BZW2: variants seen among roughly 807,000 people sequenced by gnomAD.
BZW2 encodes the protein basic leucine zipper and W2 domains 2.
A neutral mutation model predicts 53.2 loss-of-function variants in BZW2; 23 were observed. The ratio of observed to expected loss-of-function variants is 0.43; its 90% CI spans 0.31 to 0.61. The LOEUF (loss-of-function observed/expected upper bound fraction) is 0.61, where lower values mean the gene tolerates loss of function less well. Among genes scored for constraint, BZW2 ranks in the 20% least tolerant of loss-of-function variants. The pLI is 0.09. For synonymous variants in BZW2, 227 were observed against 186.4 expected (o/e 1.22, Z -1.77); for missense variants, 409 against 503.1 (o/e 0.81, Z 1.79).
intron 1 of BZW2, among the ~76,000 whole-genome samples, chr7:16,657,258 A>C (rs1202674980): frequency 6.6e-6 from 1 of 152,190 alleles, no homozygotes; most frequent in Non-Finnish European, 1.5e-5. Flanking sequence ...AGGTGCCTTG[A>C]ACCCACTACT....
chr7:16,704,533 A>T lies in BZW2; in HGVS notation c.1109-14A>T. Reference sequence around the variant, plus strand: ...TTGTATAGTAACTTTGAAATCTTTGATTTAAAATTGCAGCTGATGTTCTGA... The same window carrying T: ...TTGTATAGTAACTTTGAAATCTTTGTTTTAAAATTGCAGCTGATGTTCTGA... On this transcript the variant is annotated splice_polypyrimidine_tract_variant and intron_variant, in intron 10 of 11. Transcript: ENST00000258761. 6.6e-7 allele frequency: 1 copy of T among 1,511,088 alleles called. No homozygotes were observed. Among genetic ancestry groups the T allele is most frequent in the East Asian group, 2.3e-5 (1 of 43,638 alleles). 93.6% of individuals were successfully genotyped at this position (1,511,088 alleles called of 1,614,324 possible).
intron 8 of BZW2, chr7:16,695,864 C>G (rs1213303364): frequency 1.3e-5 from 2 of 152,154 alleles, no homozygotes; most frequent in Admixed American, 1.3e-4. Context: ...TCTTAAGTCT[C>G]ATGGTATTAA....
intron 6 of BZW2, 138 bp from the exon 7 acceptor site, chr7:16,689,659 G>C (rs1386631354): frequency 1.9e-6 from 1 of 536,484 alleles, no homozygotes; most frequent in Non-Finnish European, 3.2e-6. Context: ...AATTTGCCTA[G>C]AGGTCTATTG....
rs914976449 is a variant in BZW2, at chr7:16,697,097, G to A, written c.969+36G>A. 4 of 1,597,698 alleles carry A rather than the reference G, an allele frequency of 2.5e-6. No homozygotes were observed. The Admixed American group carries it at 5.3e-5, about 21-fold the overall frequency. ...TTAGCAAGGAACTGACCCAGCCAAGGGCAAACTGCAGCTTTTTTTGTTTGT... is the reference window on the plus strand; with the variant it reads ...TTAGCAAGGAACTGACCCAGCCAAGAGCAAACTGCAGCTTTTTTTGTTTGT... On this transcript the variant is annotated intron_variant, in intron 9 of 11. Transcript: ENST00000258761.
chr7:16,657,701 G>C (rs1782155406), intron 1 of BZW2, among the ~76,000 whole-genome samples: 1 of 151,656 alleles, frequency 6.6e-6, no homozygotes, highest in Non-Finnish European at 1.5e-5. Context: ...TCTAAAATTT[G>C]ACACCAGTAT....
intron 1 of BZW2, among the ~76,000 whole-genome samples, chr7:16,665,220 CACTTGA>C (rs1174486141): frequency 6.6e-6 from 1 of 151,830 alleles, no homozygotes; most frequent in Non-Finnish European, 1.5e-5. Flanking sequence ...GCAGGATAAT[CACTTGA>C]ACCCGGGATG....
chr7:16,654,022 A>G (rs1286631611), intron 1 of BZW2, among the ~76,000 whole-genome samples: 1 of 137,322 alleles, frequency 7.3e-6, no homozygotes, highest in Admixed American at 8.5e-5. Flanking sequence ...CAAGGTGGGC[A>G]GATCACTTGA....
chr7:16,677,935 G>C (rs1057087634), intron 3 of BZW2, among the ~76,000 whole-genome samples: 3 of 152,008 alleles, frequency 2.0e-5, no homozygotes, highest in Admixed American at 6.6e-5. Flanking sequence ...CAAACGTTTT[G>C]GTATAAGCTA....
At chr7:16,698,282 G>A (rs1783565052) in intron 10 of BZW2, 96 bp downstream of exon 10, 1 of 1,470,044 alleles carries the variant, frequency 6.8e-7, no homozygotes, top group East Asian at 2.3e-5. Flanking sequence ...ATGGGGCTCT[G>A]TTTAGAGAGG....
chr7:16,673,598 A>G (rs1211515698), intron 2 of BZW2, among the ~76,000 whole-genome samples: 1 of 152,092 alleles, frequency 6.6e-6, no homozygotes, highest in Non-Finnish European at 1.5e-5. Flanking sequence ...CATAGATTGA[A>G]CCTCCATAAA....
chr7:16,685,437 CT>C (rs915061142), intron 5 of BZW2, among the ~76,000 whole-genome samples: 1 of 149,314 alleles, frequency 6.7e-6, no homozygotes, highest in African/African-American at 2.5e-5. Flanking sequence ...TTGTGTGGGG[CT>C]TTTTTTTGTT....
chr7:16,696,834 T>G lies in BZW2; in HGVS notation c.823-81T>G, dbSNP rs578232045. ...ATTGTTTCTTAGCTGCCCCAAAACC[T>G]TGATTGACTGGGCAGCTAGCGGGGA... On this transcript the variant is annotated intron_variant, in intron 8 of 11. Transcript: ENST00000258761. The G allele has an allele frequency of 5.0e-4, 742 of 1,469,590 alleles. 4 individuals are homozygous for G. In the African/African-American group the frequency reaches 9.5e-3, roughly 19 times the overall value. 91.0% of individuals were successfully genotyped at this position (1,469,590 alleles called of 1,614,324 possible).
chr7:16,660,420 T>C (rs1782224884), intron 1 of BZW2, among the ~76,000 whole-genome samples: 1 of 145,986 alleles, frequency 6.8e-6, no homozygotes, highest in African/African-American at 2.5e-5. Context: ...AAAAAAAAGG[T>C]CTTTTTTTCC....
chr7:16,671,033 C>T (rs1782582257), intron 2 of BZW2, among the ~76,000 whole-genome samples: 1 of 152,198 alleles, frequency 6.6e-6, no homozygotes, highest in African/African-American at 2.4e-5. Context: ...ACAAACTAGG[C>T]AGTTGCTATA....
intron 1 of BZW2, among the ~76,000 whole-genome samples, chr7:16,655,280 G>A (rs1048602440): frequency 2.0e-5 from 3 of 152,184 alleles, no homozygotes; most frequent in African/African-American, 4.8e-5. Flanking sequence ...TTTAATGGAA[G>A]CATTATTAGT....
At chr7:16,700,926 C>T (rs1197431982) in intron 10 of BZW2, 1 of 152,088 alleles carries the variant, frequency 6.6e-6, no homozygotes, top group African/African-American at 2.4e-5. Flanking sequence ...CACACACAAA[C>T]ATATACATGG....
chr7:16,689,894 C>G lies in BZW2; in HGVS notation c.639C>G (p.Asp213Glu). 6.2e-7 allele frequency: 1 copy of G among 1,610,076 alleles called. No homozygotes were observed. Among genetic ancestry groups the G allele is most frequent in the Non-Finnish European group, 8.5e-7 (1 of 1,177,970 alleles). Residue 213 changes from aspartate to glutamate, a missense_variant, in exon 7 of 12, where the codon GAC becomes GAG. This residue lies in a region of BZW2 where 316 missense variants were observed against 366.8 expected (regional missense o/e 0.86). Coordinates refer to ENST00000258761, the MANE Select transcript of BZW2 (RefSeq NM_014038.3). ...CGTCTTTGAGAAAAGCCAACTTAGA[C>G]AAGAGGCTGCTTGTAAGTGTTTTCT... ...VTSSLRKANLDKRLLELFPVN... is the reference protein window; with the variant it reads ...VTSSLRKANLEKRLLELFPVN...
intron 3 of BZW2, 31 bp downstream of exon 3, chr7:16,674,619 T>C (rs202219703): frequency 6.9e-7 from 1 of 1,452,414 alleles, no homozygotes; most frequent in East Asian, 2.4e-5. Context: ...TCTTGTAGTA[T>C]ATTTATATAT....
At chr7:16,694,658 T>A (rs1231451142) in intron 7 of BZW2, among the ~76,000 whole-genome samples, 176 bp from the exon 8 acceptor site, 1 of 152,228 alleles carries the variant, frequency 6.6e-6, no homozygotes, top group Admixed American at 6.5e-5. Context: ...TGAAACTGCC[T>A]GATTTCAGAA....
Sources: gnomAD v4.1 joint callset for allele counts (sites outside exome capture counted in the v4.1 genomes callset) on GRCh38, gnomAD v4.1.1 for gene constraint, gnomAD v4.1.1 regional missense constraint, MANE v1.5 for transcripts, NCBI Gene and HGNC (gene_info 2026-07-23, HGNC 2026-07-21) for gene names.